KCTD8: variants seen among roughly 807,000 people sequenced by gnomAD.
The protein encoded by KCTD8 is BTB/POZ domain-containing protein KCTD8.
KCTD8 carries 27 observed loss-of-function variants against 31.5 expected under a neutral mutation model. The observed-to-expected ratio is 0.86, with a 90% confidence interval of 0.63 to 1.18. The LOEUF (loss-of-function observed/expected upper bound fraction) is 1.18, where lower values mean the gene tolerates loss of function less well. Among genes scored for constraint, KCTD8 ranks in the 50% most tolerant of loss-of-function variants. The pLI, the probability that KCTD8 is intolerant of heterozygous loss-of-function variation, is 0.00. For synonymous variants in KCTD8, 290 were observed against 280.0 expected (o/e 1.04, Z -0.36); for missense variants, 658 against 647.7 (o/e 1.02, Z -0.17).
At chr4:44,284,148 C>G (rs1716987973) in intron 1 of KCTD8, among the ~76,000 whole-genome samples, 1 of 152,014 alleles carries the variant, frequency 6.6e-6, no homozygotes, top group South Asian at 2.1e-4. Flanking sequence ...TCATATGGAA[C>G]CAAAAAAGAG....
intron 1 of KCTD8, among the ~76,000 whole-genome samples, chr4:44,423,782 GT>G (rs1481204792): frequency 6.6e-6 from 1 of 152,048 alleles, no homozygotes; most frequent in Non-Finnish European, 1.5e-5. Flanking sequence ...AAAAAAGAAT[GT>G]TTTAATCAGC....
At chr4:44,225,590 A>G (rs1714933329) in intron 1 of KCTD8, among the ~76,000 whole-genome samples, 1 of 152,078 alleles carries the variant, frequency 6.6e-6, no homozygotes, top group African/African-American at 2.4e-5. Flanking sequence ...TCATTTATTA[A>G]GCTTCCATCA....
Position 44,417,512 on chromosome 4 carries a change from G to A in KCTD8, c.961+30051C>T, listed in dbSNP as rs565832073. On this transcript the variant is annotated intron_variant, in intron 1 of 1. Coordinates refer to ENST00000360029, the MANE Select transcript of KCTD8 (RefSeq NM_198353.3). ...TCTTTTTATAATCATGGTTTTCCTG[G>A]TTAGATTATACAACTATTTAAAGAA... Among the ~76,000 whole-genome samples, 5 of 69,366 alleles carry A rather than the reference G, an allele frequency of 7.2e-5. No homozygotes were observed. The South Asian group carries it at 2.2e-3, about 31-fold the overall frequency. 45.5% of individuals were successfully genotyped at this position (69,366 alleles called of 152,430 possible). A position where few individuals can be genotyped will look rare whatever the true frequency, so the allele number is the denominator to read the frequency against.
chr4:44,402,146 A>C (rs1189625904), intron 1 of KCTD8, among the ~76,000 whole-genome samples: 1 of 152,192 alleles, frequency 6.6e-6, no homozygotes, highest in East Asian at 1.9e-4. Context: ...AGAGCTGGAG[A>C]ACAACAACTG....
chr4:44,366,011 T>C lies in KCTD8; in HGVS notation c.961+81552A>G, dbSNP rs79528946. Among the ~76,000 whole-genome samples the C allele has an allele frequency of 6.8e-4, 104 of 152,290 alleles. No individual in the cohort carries two copies. In the East Asian group the frequency reaches 0.019, roughly 28 times the overall value. On this transcript the variant is annotated intron_variant, in intron 1 of 1. Coordinates refer to ENST00000360029, the MANE Select transcript of KCTD8 (RefSeq NM_198353.3). ...TTACAAATCGAGTTTGTAAAGCAAG[T>C]TGTAAAATTACAATATGACATGATT... is the stretch of plus-strand genomic sequence containing the variant.
intron 1 of KCTD8, among the ~76,000 whole-genome samples, chr4:44,304,402 T>C (rs1717738156): frequency 6.6e-6 from 1 of 152,176 alleles, no homozygotes; most frequent in African/African-American, 2.4e-5. Context: ...TCCTAATCTT[T>C]CTACCACTTC....
At chr4:44,358,883 A>C (rs1025656944) in intron 1 of KCTD8, among the ~76,000 whole-genome samples, 1 of 152,142 alleles carries the variant, frequency 6.6e-6, no homozygotes, top group Admixed American at 6.5e-5. Flanking sequence ...ATGAGATGGT[A>C]TCTCACTGTG....
chr4:44,272,805 T>C (rs982707864), intron 1 of KCTD8, among the ~76,000 whole-genome samples: 1 of 152,076 alleles, frequency 6.6e-6, no homozygotes, highest in Non-Finnish European at 1.5e-5. Flanking sequence ...TCACTGGAAC[T>C]ACTGAAATCC....
intron 1 of KCTD8, among the ~76,000 whole-genome samples, chr4:44,344,509 A>AT (rs1718990034): frequency 6.6e-6 from 1 of 152,078 alleles, no homozygotes. Flanking sequence ...AACTAATTGT[A>AT]TTTTTCTCCA....
At chr4:44,296,621 T>A (rs944461393) in intron 1 of KCTD8, among the ~76,000 whole-genome samples, 2 of 152,130 alleles carry the variant, frequency 1.3e-5, no homozygotes, top group African/African-American at 4.8e-5. Flanking sequence ...ATTTTGCTGC[T>A]CTTTAATAAG....
chr4:44,369,840 G>A (rs1052328746), intron 1 of KCTD8, among the ~76,000 whole-genome samples: 11 of 151,866 alleles, frequency 7.2e-5, no homozygotes, highest in Non-Finnish European at 1.6e-4. Flanking sequence ...AGAAATTACA[G>A]TAATAGATGG....
chr4:44,427,999 G>T (rs1721388451), intron 1 of KCTD8, among the ~76,000 whole-genome samples: 5 of 151,660 alleles, frequency 3.3e-5, no homozygotes, highest in African/African-American at 1.2e-4. Flanking sequence ...AGCAGTGGAG[G>T]CCTAATTATT....
At chr4:44,346,724 T>C (rs1002193491) in intron 1 of KCTD8, among the ~76,000 whole-genome samples, 5 of 152,282 alleles carry the variant, frequency 3.3e-5, no homozygotes, top group Non-Finnish European at 7.4e-5. Context: ...CCCTTCTTAC[T>C]TCTCCAAGTC....
At chr4:44,424,433 C>G (rs16856903) in intron 1 of KCTD8, among the ~76,000 whole-genome samples, 16,025 of 152,046 alleles carry the variant, frequency 0.11, 1,774 homozygotes, top group African/African-American at 0.27. Context: ...CTCTGTCAAC[C>G]AATTTCACCT....
intron 1 of KCTD8, among the ~76,000 whole-genome samples, chr4:44,422,313 G>A (rs1577665690): frequency 6.6e-6 from 1 of 152,080 alleles, no homozygotes; most frequent in East Asian, 1.9e-4. Context: ...ATCAGTTGTT[G>A]GAGTGTGTAC....
intron 1 of KCTD8, among the ~76,000 whole-genome samples, chr4:44,363,082 T>C (rs1719542358): frequency 6.6e-6 from 1 of 152,096 alleles, no homozygotes; most frequent in African/African-American, 2.4e-5. Flanking sequence ...TGCAAGATGG[T>C]AATTTAACCA....
At chr4:44,396,526 A>T (rs1467152948) in intron 1 of KCTD8, among the ~76,000 whole-genome samples, 1 of 152,088 alleles carries the variant, frequency 6.6e-6, no homozygotes, top group East Asian at 1.9e-4. Context: ...AAGTCAGGTC[A>T]GAAAACTTTA....
At chr4:44,235,577 T>TATATA (rs1715265203) in intron 1 of KCTD8, among the ~76,000 whole-genome samples, 31 of 38,876 alleles carry the variant, frequency 8.0e-4, no homozygotes, top group Non-Finnish European at 1.2e-3. Context: ...ATATATATAT[T>TATATA]TAGAGAGAGA....
At chr4:44,238,827 T>C (rs1715365662) in intron 1 of KCTD8, among the ~76,000 whole-genome samples, 1 of 152,228 alleles carries the variant, frequency 6.6e-6, no homozygotes, top group Non-Finnish European at 1.5e-5. Flanking sequence ...CATAGTAGCA[T>C]TATTATATTT....
Sources: gnomAD v4.1 joint callset for allele counts (sites outside exome capture counted in the v4.1 genomes callset) on GRCh38, gnomAD v4.1.1 for gene constraint, MANE v1.5 for transcripts, NCBI Gene and HGNC (gene_info 2026-07-23, HGNC 2026-07-21) for gene names.